UBP1: variants seen among roughly 807,000 people sequenced by gnomAD.
UBP1 encodes the protein upstream-binding protein 1.
Under a neutral mutation model 76.1 loss-of-function variants are expected in UBP1, and 22 were observed. That is an observed-to-expected ratio of 0.29 (90% CI 0.21 to 0.41). The LOEUF (loss-of-function observed/expected upper bound fraction) is 0.41, where lower values mean the gene tolerates loss of function less well. Among genes scored for constraint, UBP1 ranks in the 10% least tolerant of loss-of-function variants. UBP1 has a pLI of 1.00. For missense variants in UBP1, 436 were observed against 668.1 expected (o/e 0.65, Z 3.83); for synonymous variants, 224 against 237.1 (o/e 0.94, Z 0.51).
At chr3:33,424,590 A>G (rs540239841) in intron 2 of UBP1, among the ~76,000 whole-genome samples, 30 of 152,368 alleles carry the variant, frequency 2.0e-4, no homozygotes, top group African/African-American at 6.7e-4. Flanking sequence ...CAATGAGCAT[A>G]TAACAGTAAA....
rs1176428526 is a variant in UBP1, at chr3:33,412,630, CA to C, written c.448+91del. ...AATCCACAAACACCAAAACTTTCCCCACACAAGTAATTCATGATGCCAACAC... is the reference window on the plus strand; with the variant it reads ...AATCCACAAACACCAAAACTTTCCCCCACAAGTAATTCATGATGCCAACAC... On this transcript the variant is annotated intron_variant, in intron 4 of 15. Coordinates refer to ENST00000283629, the MANE Select transcript of UBP1 (RefSeq NM_014517.5). 5.6e-4 allele frequency: 478 copies of C among 857,732 alleles called. 3 individuals are homozygous for C. The highest frequency in any genetic ancestry group is 8.8e-5 in the Non-Finnish European group (46 of 524,376). The allele number at this position is 857,732 out of a possible 1,614,324, so 53.1% of individuals were successfully genotyped here. A position where few individuals can be genotyped will look rare whatever the true frequency, so the allele number is the denominator to read the frequency against.
Position 33,439,747 on chromosome 3 carries a change from A to T in UBP1, c.102T>A (p.Ala34=). 6.2e-7 allele frequency: 1 copy of T among 1,612,148 alleles called. No individual in the cohort carries two copies. The highest frequency in any genetic ancestry group is 8.5e-7 in the Non-Finnish European group (1 of 1,179,384). Residue 34 remains alanine (A), a synonymous_variant, in exon 1 of 16, where the codon GCT becomes GCA. Coordinates refer to ENST00000283629, the MANE Select transcript of UBP1 (RefSeq NM_014517.5). ...AGGGAGCCCAGTACCTCATGCTGTA[A>T]GCGCCGGCGCCCAGTTCCTGCCCGA... is the stretch of plus-strand genomic sequence containing the variant. ...SGIGQELGAG[A]YSMSDVLALP...
rs181279536 is a variant in UBP1, at chr3:33,388,907, A to G, written c.*1424T>C. 1 of 152,268 alleles carries G rather than the reference A, an allele frequency of 6.6e-6. No individual in the cohort carries two copies. Among genetic ancestry groups the G allele is most frequent in the Non-Finnish European group, 1.5e-5 (1 of 68,020 alleles). 9.4% of individuals were successfully genotyped at this position (152,268 alleles called of 1,614,324 possible). A position where few individuals can be genotyped will look rare whatever the true frequency, so the allele number is the denominator to read the frequency against. On this transcript the variant is annotated 3_prime_UTR_variant, in exon 16 of 16. Transcript: ENST00000283629. ...TCAAACTCAAAATTACTCATTTCCT[A>G]TTTTTTGCCTGAACACAATGAGGAT... is the stretch of plus-strand genomic sequence containing the variant.
At chr3:33,420,655 A>G (rs2044866421) in intron 2 of UBP1, among the ~76,000 whole-genome samples, 1 of 152,014 alleles carries the variant, frequency 6.6e-6, no homozygotes, top group Non-Finnish European at 1.5e-5. Flanking sequence ...CGCCCAGCTA[A>G]TTTTTGTATT....
chr3:33,408,881 C>T, intron 7 of UBP1, 84 bp from the exon 8 acceptor site: 5 of 1,210,964 alleles, frequency 4.1e-6, no homozygotes, highest in East Asian at 2.4e-5. Flanking sequence ...CTCTTCAGTC[C>T]AATTAAACAA....
chr3:33,403,654 A>G (rs965197726), intron 8 of UBP1: 2 of 151,864 alleles, frequency 1.3e-5, no homozygotes, highest in Non-Finnish European at 2.9e-5. Flanking sequence ...GTGAACTTTA[A>G]TATTTTTCAG....
intron 8 of UBP1, among the ~76,000 whole-genome samples, chr3:33,406,963 TA>T (rs1196313221): frequency 6.6e-6 from 1 of 152,228 alleles, no homozygotes; most frequent in East Asian, 1.9e-4. Flanking sequence ...TTTTCGACTC[TA>T]ACAGTAAGTC....
intron 10 of UBP1, 76 bp from the exon 11 acceptor site, chr3:33,400,358 T>C: frequency 8.2e-7 from 1 of 1,221,566 alleles, no homozygotes; most frequent in Non-Finnish European, 1.1e-6. Context: ...ACAGAAAGCC[T>C]CGGAGTCTGA....
At position 33,396,225 on chromosome 3, in the gene UBP1, C is replaced by T. The variant is rs751939930; in HGVS notation, c.1327G>A (p.Val443Met). 1.8e-5 allele frequency: 28 copies of T among 1,595,932 alleles called. No homozygotes were observed. The highest frequency in any genetic ancestry group is 3.3e-5 in the South Asian group (3 of 90,154). Residue 443 changes from valine to methionine, a missense_variant, in exon 13 of 16, where the codon GTG becomes ATG. Val to Met is a conservative substitution (Grantham distance 21). Around this residue, in one of 3 missense-constraint regions of UBP1, gnomAD observed 210 missense variants for 272.8 expected, o/e 0.77. Coordinates refer to ENST00000283629, the MANE Select transcript of UBP1 (RefSeq NM_014517.5). ...YVCREQPSST[V>M]LQGQQQAASS... Reference sequence around the variant, plus strand: ...GCAGCTTGCTGCTGCCCTTGCAGCACTGTGCTGCTTGGCTGCTCCCGGCAG... The same window carrying T: ...GCAGCTTGCTGCTGCCCTTGCAGCATTGTGCTGCTTGGCTGCTCCCGGCAG...
intron 1 of UBP1, among the ~76,000 whole-genome samples, chr3:33,431,921 G>C (rs1327595904): frequency 6.6e-6 from 1 of 152,118 alleles, no homozygotes; most frequent in Non-Finnish European, 1.5e-5. Context: ...AGAGCAGCAG[G>C]AAAGACATAC....
At chr3:33,418,786 G>A (rs918543526) in intron 2 of UBP1, among the ~76,000 whole-genome samples, 29 of 150,728 alleles carry the variant, frequency 1.9e-4, no homozygotes, top group African/African-American at 7.1e-4. Flanking sequence ...TTGAACCTGG[G>A]AGGCGGAGGT....
intron 1 of UBP1, among the ~76,000 whole-genome samples, chr3:33,439,424 A>T (rs1215151183): frequency 1.3e-5 from 2 of 152,258 alleles, no homozygotes; most frequent in African/African-American, 4.8e-5. Flanking sequence ...ATCACTTATA[A>T]GGAAAAGAAG....
chr3:33,433,124 G>C (rs1362430990), intron 1 of UBP1, among the ~76,000 whole-genome samples: 1 of 150,960 alleles, frequency 6.6e-6, no homozygotes, highest in South Asian at 2.1e-4. Flanking sequence ...GCAGTGGCGC[G>C]ATCTCAGCTC....
At chr3:33,398,727 A>C (rs924805482) in intron 11 of UBP1, among the ~76,000 whole-genome samples, 1 of 152,184 alleles carries the variant, frequency 6.6e-6, no homozygotes, top group Non-Finnish European at 1.5e-5. Context: ...ATTAAAACTC[A>C]CCAGATAGAA....
Position 33,390,103 on chromosome 3 carries a change from C to T in UBP1, c.*228G>A, listed in dbSNP as rs1027432720. The T allele has an allele frequency of 3.9e-6, 2 of 509,184 alleles. No homozygotes were observed. Among genetic ancestry groups the T allele is most frequent in the Non-Finnish European group, 7.1e-6 (2 of 283,632 alleles). The allele number at this position is 509,184 out of a possible 1,614,324, so 31.5% of individuals were successfully genotyped here. The stretch of plus-strand genomic sequence containing the variant: ...TATGCCTGCACCGTGGCCTCCAGAG[C>T]TGGATGCATGCTGTGCCGATGTGCT... On this transcript the variant is annotated 3_prime_UTR_variant, in exon 16 of 16. Coordinates refer to ENST00000283629, the MANE Select transcript of UBP1 (RefSeq NM_014517.5).
chr3:33,424,221 A>T (rs895996370), intron 2 of UBP1, among the ~76,000 whole-genome samples: 2 of 152,246 alleles, frequency 1.3e-5, no homozygotes, highest in African/African-American at 4.8e-5. Flanking sequence ...CAAATAAGTG[A>T]TTGCCTATCC....
chr3:33,393,628 T>TG (rs1243883564), intron 13 of UBP1, among the ~76,000 whole-genome samples, 174 bp from the exon 14 acceptor site: 9 of 152,244 alleles, frequency 5.9e-5, no homozygotes, highest in Non-Finnish European at 1.0e-4. Flanking sequence ...CTTGAAATCT[T>TG]GAACTACCAA....
chr3:33,409,468 C>T lies in UBP1; in HGVS notation c.689G>A (p.Cys230Tyr). The T allele has an allele frequency of 6.2e-7, 1 of 1,614,182 alleles. No homozygotes were observed. Among genetic ancestry groups the T allele is most frequent in the Non-Finnish European group, 8.5e-7 (1 of 1,180,028 alleles). The change falls in exon 6 of 16, where the codon TGC (cysteine) becomes TAC (tyrosine). Residue 230 changes from cysteine to tyrosine, a missense_variant. Cys to Tyr is a radical substitution (Grantham distance 194). This residue lies in a region of UBP1 where 65 missense variants were observed against 157.4 expected (regional missense o/e 0.41). Coordinates refer to ENST00000283629, the MANE Select transcript of UBP1 (RefSeq NM_014517.5). ...EYTDHLHSASCQIKVFKPKGA... is the reference protein window; with the variant it reads ...EYTDHLHSASYQIKVFKPKGA... ...TCTTACCTTAAAAACTTTGATTTGG[C>T]AGCTAGCTGAGTGTAGATGATCTGT...
intron 15 of UBP1, chr3:33,390,578 C>T: frequency 5.0e-6 from 3 of 599,506 alleles, no homozygotes; most frequent in Non-Finnish European, 8.9e-6. Flanking sequence ...TTCTGCGAAG[C>T]CTGGCCCACT....
Sources: allele counts gnomAD v4.1 joint callset (sites outside exome capture counted in the v4.1 genomes callset), GRCh38; gene constraint gnomAD v4.1.1; regional missense constraint gnomAD v4.1.1; transcripts MANE v1.5; gene names NCBI Gene and HGNC (gene_info 2026-07-23, HGNC 2026-07-21).